The following CTBP2 variants were observed in gnomAD, a reference collection of about 807,000 sequenced individuals.
CTBP2 encodes C-terminal-binding protein 2.
CTBP2 carries 30 observed loss-of-function variants against 80.3 expected under a neutral mutation model. The ratio of observed to expected loss-of-function variants is 0.37; its 90% CI spans 0.28 to 0.51. The LOEUF (loss-of-function observed/expected upper bound fraction) is 0.51, where lower values mean the gene tolerates loss of function less well. CTBP2 is among the 20% of genes least tolerant of loss of function. The probability of loss-of-function intolerance (pLI) is 0.93; values close to 1 mark genes in which losing one functional copy is unlikely to be tolerated. For synonymous variants in CTBP2, 594 were observed against 587.4 expected (o/e 1.01, Z -0.16); for missense variants, 1,212 against 1,375.3 (o/e 0.88, Z 1.88).
chr10:125,031,927 G>C, upstream of CTBP2, among the ~76,000 whole-genome samples: 1 of 152,140 alleles, frequency 6.6e-6, no homozygotes, highest in East Asian at 1.9e-4. Context: ...ATGTCTCTCA[G>C]TATTTAGCCA....
chr10:125,105,497 G>C (rs191494639), intron 2 of CTBP2, among the ~76,000 whole-genome samples: 13 of 152,194 alleles, frequency 8.5e-5, no homozygotes, highest in Admixed American at 7.9e-4. Flanking sequence ...TAAAATTACT[G>C]AAAGTAACCA....
intron 1 of CTBP2, 55 bp from the exon 4 acceptor site, chr10:125,003,547 C>A (rs1011865626): frequency 2.9e-6 from 4 of 1,390,070 alleles, no homozygotes; most frequent in Non-Finnish European, 3.9e-6. Context: ...CCACAGGGTG[C>A]GTGGAGGGGC....
intron 4 of CTBP2, among the ~76,000 whole-genome samples, chr10:124,994,931 A>C (rs1953261255): frequency 6.6e-6 from 1 of 152,236 alleles, no homozygotes; most frequent in Non-Finnish European, 1.5e-5. Flanking sequence ...GATTTTTGTT[A>C]AAAACAAAAC....
intron 3 of CTBP2, among the ~76,000 whole-genome samples, chr10:125,034,782 A>G (rs1322125171): frequency 1.3e-5 from 2 of 152,150 alleles, no homozygotes; most frequent in Non-Finnish European, 2.9e-5. Flanking sequence ...AAAAACAAAT[A>G]AATCTTAAAT....
At chr10:125,047,364 T>G (rs1305176868) in intron 2 of CTBP2, among the ~76,000 whole-genome samples, 1 of 152,230 alleles carries the variant, frequency 6.6e-6, no homozygotes, top group African/African-American at 2.4e-5. Context: ...TCTCAAATTT[T>G]AGGCAGACAG....
At chr10:125,132,820 C>T (rs540100271) in intron 1 of CTBP2, among the ~76,000 whole-genome samples, 4 of 152,284 alleles carry the variant, frequency 2.6e-5, no homozygotes, top group African/African-American at 4.8e-5. Flanking sequence ...AACAAGAATC[C>T]GATTTGGTAA....
At chr10:125,005,654 G>A (rs779864545) in intron 1 of CTBP2, 79 of 1,612,788 alleles carry the variant, frequency 4.9e-5, no homozygotes, top group Non-Finnish European at 6.3e-5. Context: ...CGAGGAACCC[G>A]ACACACATGG....
chr10:125,036,836 C>T (rs1486224533), intron 3 of CTBP2, among the ~76,000 whole-genome samples: 1 of 152,060 alleles, frequency 6.6e-6, no homozygotes, highest in Non-Finnish European at 1.5e-5. Context: ...TGCAAACTGC[C>T]TACTGCTCAA....
chr10:125,108,759 T>A (rs941066727), intron 2 of CTBP2, among the ~76,000 whole-genome samples: 4 of 152,356 alleles, frequency 2.6e-5, no homozygotes, highest in Admixed American at 1.3e-4. Context: ...ACACTCAGTG[T>A]GTGCGTGGGC....
chr10:125,155,397 T>TC (rs1198607833), intron 1 of CTBP2, among the ~76,000 whole-genome samples: 4 of 147,864 alleles, frequency 2.7e-5, no homozygotes, highest in African/African-American at 7.7e-5. Flanking sequence ...CATTTGTGAA[T>TC]CCCCCCTTTT....
chr10:125,005,127 G>A (rs1317613836), intron 1 of CTBP2, among the ~76,000 whole-genome samples: 1 of 152,212 alleles, frequency 6.6e-6, no homozygotes, highest in East Asian at 1.9e-4. Flanking sequence ...GGGGAGGGAC[G>A]GCCCAGAGCA....
intron 1 of CTBP2, among the ~76,000 whole-genome samples, chr10:125,145,290 C>T (rs1205902318): frequency 1.3e-5 from 2 of 152,110 alleles, no homozygotes; most frequent in African/African-American, 4.8e-5. Flanking sequence ...GATGTTAGGG[C>T]TTCTCCATCG....
chr10:125,031,072 C>T (rs1361612648), upstream of CTBP2, among the ~76,000 whole-genome samples: 1 of 152,182 alleles, frequency 6.6e-6, no homozygotes, highest in Non-Finnish European at 1.5e-5. Flanking sequence ...GGTTTTCTGG[C>T]AGACACAGGG....
intron 2 of CTBP2, among the ~76,000 whole-genome samples, chr10:125,067,094 T>A (rs543980706): frequency 6.6e-6 from 1 of 152,206 alleles, no homozygotes; most frequent in East Asian, 1.9e-4. Context: ...AGGCTTACAC[T>A]TTTTTCTTTC....
chr10:125,067,385 C>T (rs544012152), intron 2 of CTBP2, among the ~76,000 whole-genome samples: 34 of 152,268 alleles, frequency 2.2e-4, no homozygotes, highest in Non-Finnish European at 4.4e-4. Context: ...ACAATGTAGA[C>T]TTCAGTTAAT....
chr10:125,047,984 G>A (rs1961688065), intron 2 of CTBP2, among the ~76,000 whole-genome samples: 1 of 152,222 alleles, frequency 6.6e-6, no homozygotes, highest in Non-Finnish European at 1.5e-5. Flanking sequence ...TTTTGCCTCA[G>A]AGAGGCCTGG....
intron 2 of CTBP2, among the ~76,000 whole-genome samples, chr10:125,108,451 T>C (rs917037373): frequency 1.3e-5 from 2 of 152,234 alleles, no homozygotes; most frequent in African/African-American, 2.4e-5. Context: ...TTTTAAAAGA[T>C]GTGTCTAGAC....
chr10:124,995,141 T>C (rs1234440870), intron 4 of CTBP2, among the ~76,000 whole-genome samples: 3 of 152,234 alleles, frequency 2.0e-5, no homozygotes, highest in Non-Finnish European at 4.4e-5. Context: ...TCCTCATTGC[T>C]GGGCTCGCTC....
At chr10:125,049,079 ACACACACACACACG>A (rs1238754021) in intron 2 of CTBP2, among the ~76,000 whole-genome samples, 8 of 127,186 alleles carry the variant, frequency 6.3e-5, no homozygotes, top group African/African-American at 2.4e-4. Flanking sequence ...ACACACACAC[ACACACACACACACG>A]TCCACCTGAC....
Sources: gnomAD v4.1 joint callset for allele counts (sites outside exome capture counted in the v4.1 genomes callset) on GRCh38, gnomAD v4.1.1 for gene constraint, MANE v1.5 for transcripts, NCBI Gene and HGNC (gene_info 2026-07-23, HGNC 2026-07-21) for gene names.